The following DTNBP1 variants were observed in gnomAD, a reference collection of about 807,000 sequenced individuals.
The protein encoded by DTNBP1 is dystrobrevin binding protein 1.
In DTNBP1, 35 loss-of-function variants were observed where a neutral mutation model predicts 42.8. That is an observed-to-expected ratio of 0.82 (90% CI 0.63 to 1.09). DTNBP1 has a LOEUF of 1.09. DTNBP1 is among the 50% of genes least tolerant of loss of function. The pLI, the probability that DTNBP1 is intolerant of heterozygous loss-of-function variation, is 0.00. For synonymous variants in DTNBP1, 171 were observed against 162.2 expected, an observed-to-expected ratio of 1.05 and a Z score of -0.41; for missense variants, 457 against 424.2, an observed-to-expected ratio of 1.08 and a Z score of -0.68.
In DTNBP1 at chr6:15,627,489, G is replaced by A; in HGVS notation, c.223-14C>T. On this transcript the variant is annotated splice_polypyrimidine_tract_variant and intron_variant, in intron 4 of 9. Coordinates refer to ENST00000344537, the MANE Select transcript of DTNBP1 (RefSeq NM_032122.5). Reference sequence around the variant, plus strand: ...GCTATCCACCAGCTGCAGCACACAAGAAGGGGGGTAAAGTGAAACCAGGTT... The same window carrying A: ...GCTATCCACCAGCTGCAGCACACAAAAAGGGGGGTAAAGTGAAACCAGGTT... 1 of 1,613,634 alleles carries A rather than the reference G, an allele frequency of 6.2e-7. No homozygotes were observed. Among genetic ancestry groups the A allele is most frequent in the Non-Finnish European group, 8.5e-7 (1 of 1,179,820 alleles).
At chr6:15,631,173 TG>T (rs1262872170) in intron 4 of DTNBP1, among the ~76,000 whole-genome samples, 5 of 152,218 alleles carry the variant, frequency 3.3e-5, no homozygotes, top group Admixed American at 3.3e-4. Flanking sequence ...TTTAATACTA[TG>T]CATACTAAAG....
chr6:15,560,999 C>A (rs1774812343), intron 7 of DTNBP1, among the ~76,000 whole-genome samples: 1 of 152,164 alleles, frequency 6.6e-6, no homozygotes, highest in Non-Finnish European at 1.5e-5. Flanking sequence ...ACAAATCAAG[C>A]CTATCATGCT....
At chr6:15,523,280 C>T (rs538855850) in intron 9 of DTNBP1, 61 bp from the exon 10 acceptor site, 135 of 1,602,262 alleles carry the variant, frequency 8.4e-5, no homozygotes, top group South Asian at 4.5e-4. Context: ...TCAGAATTGC[C>T]GCCAACAGCT....
chr6:15,617,829 GAGA>G (rs1171394248), intron 5 of DTNBP1, among the ~76,000 whole-genome samples: 1 of 151,958 alleles, frequency 6.6e-6, no homozygotes, highest in African/African-American at 2.4e-5. Flanking sequence ...AGATTTTATG[GAGA>G]AGACCTCAAG....
At chr6:15,607,474 A>T (rs1581386933) in intron 6 of DTNBP1, among the ~76,000 whole-genome samples, 1 of 147,622 alleles carries the variant, frequency 6.8e-6, no homozygotes, top group Admixed American at 6.7e-5. Flanking sequence ...GCTAATTTTT[A>T]TATTTTTAGT....
intron 8 of DTNBP1, among the ~76,000 whole-genome samples, chr6:15,530,285 G>C (rs1772725837): frequency 6.6e-6 from 1 of 152,218 alleles, no homozygotes; most frequent in Non-Finnish European, 1.5e-5. Flanking sequence ...CGTGCGATGA[G>C]ATGCCCGATT....
At chr6:15,554,193 G>A (rs551508291) in intron 7 of DTNBP1, among the ~76,000 whole-genome samples, 24 of 152,204 alleles carry the variant, frequency 1.6e-4, no homozygotes, top group African/African-American at 5.3e-4. Flanking sequence ...CATTTCTGAA[G>A]GCTCCCATGT....
chr6:15,598,968 T>G (rs964871105), intron 6 of DTNBP1, among the ~76,000 whole-genome samples: 1 of 152,074 alleles, frequency 6.6e-6, no homozygotes, highest in African/African-American at 2.4e-5. Flanking sequence ...GATGATAAGA[T>G]TCCAAAATCT....
At chr6:15,590,843 A>T (rs1370251947) in intron 7 of DTNBP1, among the ~76,000 whole-genome samples, 1 of 152,224 alleles carries the variant, frequency 6.6e-6, no homozygotes, top group Non-Finnish European at 1.5e-5. Flanking sequence ...ATTAATCTAC[A>T]TTACTAACTT....
chr6:15,622,784 C>A (rs1212931338), intron 5 of DTNBP1, among the ~76,000 whole-genome samples: 2 of 152,184 alleles, frequency 1.3e-5, no homozygotes, highest in Non-Finnish European at 2.9e-5. Context: ...AAGGCCGTCC[C>A]AGAGGAAAAG....
chr6:15,581,467 C>T (rs1440212792), intron 7 of DTNBP1, among the ~76,000 whole-genome samples: 1 of 148,278 alleles, frequency 6.7e-6, no homozygotes, highest in Non-Finnish European at 1.5e-5. Flanking sequence ...CATGAGCCAC[C>T]GCGCCCGACT....
intron 1 of DTNBP1, among the ~76,000 whole-genome samples, chr6:15,660,940 T>C (rs1432452837): frequency 1.3e-5 from 2 of 152,110 alleles, no homozygotes; most frequent in African/African-American, 4.8e-5. Context: ...CAAAAAGTTT[T>C]CAATACAATA....
At chr6:15,544,543 C>T (rs1162270373) in intron 7 of DTNBP1, among the ~76,000 whole-genome samples, 1 of 152,202 alleles carries the variant, frequency 6.6e-6, no homozygotes, top group Non-Finnish European at 1.5e-5. Context: ...TGTGAGTCAG[C>T]TAGTTTCTCT....
At chr6:15,618,660 T>C (rs932046347) in intron 5 of DTNBP1, among the ~76,000 whole-genome samples, 2 of 152,144 alleles carry the variant, frequency 1.3e-5, no homozygotes, top group African/African-American at 2.4e-5. Context: ...TGGAAAACAG[T>C]ATGGAAGTTC....
At chr6:15,561,864 A>C (rs1210465265) in intron 7 of DTNBP1, among the ~76,000 whole-genome samples, 1 of 152,230 alleles carries the variant, frequency 6.6e-6, no homozygotes, top group African/African-American at 2.4e-5. Flanking sequence ...CAAAACCAGA[A>C]TGGTGATGGA....
intron 6 of DTNBP1, among the ~76,000 whole-genome samples, chr6:15,609,255 G>A (rs1758257258): frequency 6.8e-6 from 1 of 147,032 alleles, no homozygotes; most frequent in South Asian, 2.1e-4. Context: ...ATCTTTTCTT[G>A]TCTCATAAAT....
In DTNBP1 at chr6:15,585,254, T is replaced by C. The variant is rs1432734456; in HGVS notation, c.511+7805A>G. Among the ~76,000 whole-genome samples, 4 of 151,596 alleles carry C rather than the reference T, an allele frequency of 2.6e-5. No individual in the cohort carries two copies. The East Asian group carries it at 7.7e-4, about 29-fold the overall frequency. Reference sequence around the variant, plus strand: ...GGCTCACATATTTAACTCTATTAACTGCCTCTTGGAAAATGAACATACTAG... The same window carrying C: ...GGCTCACATATTTAACTCTATTAACCGCCTCTTGGAAAATGAACATACTAG... On this transcript the variant is annotated intron_variant, in intron 7 of 9. Transcript: ENST00000344537.
chr6:15,660,385 G>C (rs781565731), intron 1 of DTNBP1: 152 of 1,289,698 alleles, frequency 1.2e-4, no homozygotes, highest in Non-Finnish European at 1.4e-4. Context: ...TTGAGGACCT[G>C]AAGAAAGTGA....
intron 7 of DTNBP1, among the ~76,000 whole-genome samples, chr6:15,547,454 A>G (rs1386557876): frequency 6.6e-6 from 1 of 152,214 alleles, no homozygotes; most frequent in Non-Finnish European, 1.5e-5. Flanking sequence ...CAACCACTGC[A>G]TTACTTCATT....
Sources: allele counts gnomAD v4.1 joint callset (sites outside exome capture counted in the v4.1 genomes callset), GRCh38; gene constraint gnomAD v4.1.1; transcripts MANE v1.5; gene names NCBI Gene and HGNC (gene_info 2026-07-23, HGNC 2026-07-21).